The following SEL1L variants were observed in gnomAD, a reference collection of about 807,000 sequenced individuals.
SEL1L encodes the protein SEL1L adaptor subunit of SYVN1 ubiquitin ligase.
A neutral mutation model predicts 109.8 loss-of-function variants in SEL1L; 52 were observed. That is an observed-to-expected ratio of 0.47 (90% CI 0.38 to 0.60). The LOEUF (loss-of-function observed/expected upper bound fraction) is 0.60. Among genes scored for constraint, SEL1L ranks in the 20% least tolerant of loss-of-function variants. The pLI, the probability that SEL1L is intolerant of heterozygous loss-of-function variation, is 0.00. For missense variants in SEL1L, 749 were observed against 962.2 expected (o/e 0.78, Z 2.93); for synonymous variants, 373 against 339.6 (o/e 1.10, Z -1.08).
chr14:81,509,750 G>C (rs1884387380), intron 3 of SEL1L, among the ~76,000 whole-genome samples: 1 of 152,126 alleles, frequency 6.6e-6, no homozygotes, highest in African/African-American at 2.4e-5. Context: ...TTCAAGAGGG[G>C]GCATTTGGTA....
At chr14:81,510,472 A>ATCTTTCTC (rs1555346552) in intron 3 of SEL1L, among the ~76,000 whole-genome samples, 1 of 118,884 alleles carries the variant, frequency 8.4e-6, no homozygotes, top group African/African-American at 3.2e-5. Context: ...TAGAATGCTG[A>ATCTTTCTC]TCTCTCTCTC....
chr14:81,496,890 A>T (rs1883775783), intron 10 of SEL1L, among the ~76,000 whole-genome samples: 1 of 152,222 alleles, frequency 6.6e-6, no homozygotes, highest in South Asian at 2.1e-4. Flanking sequence ...CTGTCCTGGA[A>T]ATGGTAAAAG....
chr14:81,476,977 G>A lies in SEL1L; in HGVS notation c.2380C>T (p.Gln794Ter). 1.2e-6 allele frequency: 2 copies of A among 1,614,192 alleles called. No homozygotes were observed. Among genetic ancestry groups the A allele is most frequent in the Non-Finnish European group, 1.7e-6 (2 of 1,180,032 alleles). The change falls in exon 21 of 21, where the codon CAG becomes TAG. Residue 794 changes from glutamine (Q) to a stop codon, truncating the protein, a stop_gained. Coordinates refer to ENST00000336735, the MANE Select transcript of SEL1L (RefSeq NM_005065.6). LOFTEE classifies it high-confidence loss of function. ...AAGGCTGGACCCAGTGCCTATTACT[G>A]TGGTGGCTGCTGCTCTGGTGGCCCC... ...QEGPPEQQPPQ is the reference protein window; with the variant it reads ...QEGPPEQQPP
At position 81,476,831 on chromosome 14, in the gene SEL1L, G is replaced by A; in HGVS notation, c.*141C>T. On this transcript the variant is annotated 3_prime_UTR_variant, in exon 21 of 21. Transcript: ENST00000336735. Reference sequence around the variant, plus strand: ...TGAAAATAAAGGCATCAGATTCTAAGCAGCTTTAGGAATTCAATGCTTCCT... The same window carrying A: ...TGAAAATAAAGGCATCAGATTCTAAACAGCTTTAGGAATTCAATGCTTCCT... 1.4e-6 allele frequency: 1 copy of A among 734,738 alleles called. No homozygotes were observed. Among genetic ancestry groups the A allele is most frequent in the Non-Finnish European group, 2.2e-6 (1 of 462,264 alleles). The allele number at this position is 734,738 out of a possible 1,614,324, so 45.5% of individuals were successfully genotyped here.
At position 81,479,649 on chromosome 14, in the gene SEL1L, C is replaced by A; in HGVS notation, c.2138G>T (p.Gly713Val). 6.2e-7 allele frequency: 1 copy of A among 1,613,762 alleles called. No individual in the cohort carries two copies. The stretch of plus-strand genomic sequence containing the variant: ...TATGTACTGCAAGAAATAGACGACG[C>A]CCAATTTGCAGAGGGCTAGGAAGAC... ...VPVFLALCKL[G>V]VVYFLQYIRE... Residue 713 changes from glycine to valine, a missense_variant, in exon 20 of 21, where the codon GGC becomes GTC. Gly to Val is a moderately radical substitution (Grantham distance 109). Coordinates refer to ENST00000336735, the MANE Select transcript of SEL1L (RefSeq NM_005065.6).
At chr14:81,513,562 C>T (rs767665932) in intron 3 of SEL1L, among the ~76,000 whole-genome samples, 1 of 152,174 alleles carries the variant, frequency 6.6e-6, no homozygotes, top group African/African-American at 2.4e-5. Context: ...ATTCTGGACA[C>T]ATTTTGGCAC....
In SEL1L at chr14:81,533,809, G is replaced by GCCA; in HGVS notation, c.-68_-66dup. On this transcript the variant is annotated 5_prime_UTR_variant, in exon 1 of 21. Transcript: ENST00000336735. ...CTTCGCCTCTGCCACCACGGACTCAGCCACCACCGCCGCCTCGCCGCTGCT... is the reference window on the plus strand; with the variant it reads ...CTTCGCCTCTGCCACCACGGACTCAGCCACCACCACCGCCGCCTCGCCGCTGCT... 1 of 1,476,392 alleles carries GCCA rather than the reference G, an allele frequency of 6.8e-7. No homozygotes were observed. Among genetic ancestry groups the GCCA allele is most frequent in the South Asian group, 1.2e-5 (1 of 85,364 alleles). 91.5% of individuals were successfully genotyped at this position (1,476,392 alleles called of 1,614,324 possible). A position where few individuals can be genotyped will look rare whatever the true frequency, so the allele number is the denominator to read the frequency against.
intron 3 of SEL1L, among the ~76,000 whole-genome samples, chr14:81,510,111 C>T (rs560387564): frequency 6.6e-6 from 1 of 152,202 alleles, no homozygotes; most frequent in African/African-American, 2.4e-5. Context: ...CAGCAGCCAA[C>T]TGAAGAAAGT....
intron 11 of SEL1L, among the ~76,000 whole-genome samples, chr14:81,492,777 AT>A (rs1002521101): frequency 6.6e-6 from 1 of 152,210 alleles, no homozygotes; most frequent in Non-Finnish European, 1.5e-5. Flanking sequence ...ATAATTATAG[AT>A]GCAAAGAAAT....
rs185381622 is a variant in SEL1L, at chr14:81,497,195, C to T, written c.1128+697G>A. ...TAACATTTAGATCTACGTTTCACTA[C>T]GTTTTTTTTTCCTTAAGACTCCACT... On this transcript the variant is annotated intron_variant, in intron 10 of 20. Coordinates refer to ENST00000336735, the MANE Select transcript of SEL1L (RefSeq NM_005065.6). Among the ~76,000 whole-genome samples the T allele has an allele frequency of 9.8e-3, 1,487 of 151,792 alleles. 32 individuals are homozygous for T. The highest frequency in any genetic ancestry group is 0.034 in the African/African-American group (1,408 of 41,196).
chr14:81,527,682 T>C lies in SEL1L; in HGVS notation c.108+19A>G. ...AAATCAGGCAGCAAATACTGGCCAA[T>C]ACACATTTTAGTACATACCTTGGAA... On this transcript the variant is annotated intron_variant, in intron 2 of 20. Coordinates refer to ENST00000336735, the MANE Select transcript of SEL1L (RefSeq NM_005065.6). 1.3e-6 allele frequency: 2 copies of C among 1,579,602 alleles called. No homozygotes were observed. The highest frequency in any genetic ancestry group is 1.2e-5 in the South Asian group (1 of 84,948).
intron 6 of SEL1L, among the ~76,000 whole-genome samples, chr14:81,500,730 T>C (rs182035319): frequency 1.3e-5 from 2 of 151,970 alleles, no homozygotes; most frequent in East Asian, 3.9e-4. Context: ...AGACAAGATA[T>C]GAATTACCAA....
At chr14:81,517,051 C>T (rs573958018) in intron 3 of SEL1L, among the ~76,000 whole-genome samples, 6 of 152,204 alleles carry the variant, frequency 3.9e-5, no homozygotes, top group South Asian at 2.1e-4. Context: ...CTAGAATGAC[C>T]CTGACTCACT....
At position 81,507,859 on chromosome 14, in the gene SEL1L, T is replaced by G. The variant is rs570241811; in HGVS notation, c.341-1618A>C. ...AATTTAATTGGGTAGCAGAGCTCGG[T>G]CATGAAGGGTATAGATTCCGGGGTC... On this transcript the variant is annotated intron_variant, in intron 3 of 20. Transcript: ENST00000336735. 1.2e-4 allele frequency among the ~76,000 whole-genome samples: 18 copies of G among 152,316 alleles called. No homozygotes were observed. In the South Asian group the frequency reaches 3.7e-3, roughly 32 times the overall value.
Position 81,526,632 on chromosome 14 carries a change from T to C in SEL1L, c.340+101A>G. On this transcript the variant is annotated intron_variant, in intron 3 of 20. Coordinates refer to ENST00000336735, the MANE Select transcript of SEL1L (RefSeq NM_005065.6). ...CACTCCATATATTATTTGTGGGTAA[T>C]AATCAGTGAAGCCAGTCTTCTTCAG... 3 of 839,872 alleles carry C rather than the reference T, an allele frequency of 3.6e-6. No homozygotes were observed. In the South Asian group the frequency reaches 4.4e-5, roughly 12 times the overall value. 52.0% of individuals were successfully genotyped at this position (839,872 alleles called of 1,614,324 possible).
At chr14:81,528,321 A>C (rs749193388) in intron 1 of SEL1L, among the ~76,000 whole-genome samples, 5 of 152,194 alleles carry the variant, frequency 3.3e-5, no homozygotes, top group African/African-American at 1.2e-4. Context: ...GGTAAAAAGC[A>C]GCATGGTCCT....
In SEL1L at chr14:81,486,314, G is replaced by A; in HGVS notation, c.1773C>T (p.Ser591=). 1.2e-6 allele frequency: 2 copies of A among 1,614,116 alleles called. No homozygotes were observed. The highest frequency in any genetic ancestry group is 1.7e-6 in the Non-Finnish European group (2 of 1,180,012). The change falls in exon 17 of 21, where the codon AGC becomes AGT. Residue 591 remains serine, a synonymous_variant. Coordinates refer to ENST00000336735, the MANE Select transcript of SEL1L (RefSeq NM_005065.6). ...LAEQGYEVAQ[S]NAAFILDQRE... ...TCTGATCAAGAATAAAGGCTGCATT[G>A]CTTTGTGCCACTTCATAGCCCTGTT...
chr14:81,513,806 C>T (rs148350834), intron 3 of SEL1L, among the ~76,000 whole-genome samples: 100 of 152,204 alleles, frequency 6.6e-4, no homozygotes, highest in Admixed American at 1.4e-3. Flanking sequence ...AACCAGCTTC[C>T]GCTTTCCCTG....
chr14:81,471,711 G>T lies in SEL1L; in HGVS notation c.*5261C>A, dbSNP rs1262635739. The T allele has an allele frequency of 6.6e-6, 1 of 152,150 alleles. No individual in the cohort carries two copies. Among genetic ancestry groups the T allele is most frequent in the East Asian group, 1.9e-4 (1 of 5,196 alleles). 9.4% of individuals were successfully genotyped at this position (152,150 alleles called of 1,614,324 possible). On this transcript the variant is annotated 3_prime_UTR_variant, in exon 21 of 21. Coordinates refer to ENST00000336735, the MANE Select transcript of SEL1L (RefSeq NM_005065.6). ...TAAAAGAAATTAACCCAGATAAAAA[G>T]AATTTGGCCTCTAGGGAAAATCAGA...
Sources: allele counts gnomAD v4.1 joint callset (sites outside exome capture counted in the v4.1 genomes callset), GRCh38; gene constraint gnomAD v4.1.1; transcripts MANE v1.5; gene names NCBI Gene and HGNC (gene_info 2026-07-23, HGNC 2026-07-21).